MYO3B: variants seen among roughly 807,000 people sequenced by gnomAD.
MYO3B encodes myosin-IIIb.
In MYO3B, 156 loss-of-function variants were observed where a neutral mutation model predicts 174.6. The ratio of observed to expected loss-of-function variants is 0.89; its 90% CI spans 0.78 to 1.02. The LOEUF (loss-of-function observed/expected upper bound fraction) is 1.02. Ranked by LOEUF, MYO3B falls within the 50% of genes least tolerant of loss-of-function variation. MYO3B has a pLI of 0.00. For missense variants in MYO3B, 1,632 were observed against 1,639.4 expected (o/e 1.00, Z 0.08); for synonymous variants, 563 against 569.1 (o/e 0.99, Z 0.15).
At chr2:170,511,345 C>T (rs1175675603) in intron 28 of MYO3B, among the ~76,000 whole-genome samples, 5 of 151,774 alleles carry the variant, frequency 3.3e-5, no homozygotes, top group Non-Finnish European at 5.9e-5. Context: ...GGATTACAGG[C>T]GTGAGCCACC....
chr2:170,460,150 C>T (rs1252717659), intron 23 of MYO3B, among the ~76,000 whole-genome samples: 1 of 152,068 alleles, frequency 6.6e-6, no homozygotes, highest in African/African-American at 2.4e-5. Flanking sequence ...CGAGAGTAAG[C>T]GAGGGCTGCT....
chr2:170,532,816 C>CA (rs35190722), intron 30 of MYO3B, among the ~76,000 whole-genome samples: 39,156 of 84,972 alleles, frequency 0.46, 7,579 homozygotes, highest in African/African-American at 0.51. Flanking sequence ...AACTCTGTCT[C>CA]AAAAAAAAAA....
At chr2:170,384,516 A>G (rs13012969) in intron 12 of MYO3B, among the ~76,000 whole-genome samples, 121,896 of 152,090 alleles carry the variant, frequency 0.8, 51,031 homozygotes, top group East Asian at 0.94. Context: ...TAAGATCTGG[A>G]AAAGTCCCAG....
chr2:170,340,921 T>C (rs544080851), intron 8 of MYO3B: 1 of 152,308 alleles, frequency 6.6e-6, no homozygotes, highest in East Asian at 1.9e-4. Flanking sequence ...TCTAGCATAC[T>C]GGTGTGTCTA....
intron 7 of MYO3B, among the ~76,000 whole-genome samples, chr2:170,293,526 G>C (rs916958230): frequency 2.6e-5 from 4 of 152,082 alleles, no homozygotes; most frequent in Admixed American, 2.0e-4. Flanking sequence ...TTATGGAATT[G>C]CTTTCTCAAC....
At chr2:170,233,682 A>G (rs2093037095) in intron 6 of MYO3B, among the ~76,000 whole-genome samples, 1 of 152,260 alleles carries the variant, frequency 6.6e-6, no homozygotes, top group South Asian at 2.1e-4. Context: ...ATGTGGATAT[A>G]TAGAAAATGT....
chr2:170,452,850 A>G (rs1163307708), intron 23 of MYO3B, among the ~76,000 whole-genome samples: 6 of 152,224 alleles, frequency 3.9e-5, no homozygotes, highest in African/African-American at 1.4e-4. Flanking sequence ...AAAGTTACAC[A>G]AATAACAAAC....
intron 32 of MYO3B, among the ~76,000 whole-genome samples, chr2:170,596,301 C>A (rs1364126562): frequency 6.6e-6 from 1 of 152,180 alleles, no homozygotes; most frequent in African/African-American, 2.4e-5. Context: ...GCACCCCTAC[C>A]TGAACTCCCC....
At chr2:170,329,555 A>ATTTTT (rs752223902) in intron 7 of MYO3B, among the ~76,000 whole-genome samples, 7 of 114,568 alleles carry the variant, frequency 6.1e-5, no homozygotes, top group African/African-American at 2.3e-4. Context: ...TGATTTTTGT[A>ATTTTT]TTTTTTTTTT....
intron 28 of MYO3B, among the ~76,000 whole-genome samples, chr2:170,502,984 G>A (rs1575084301): frequency 6.6e-6 from 1 of 152,254 alleles, no homozygotes; most frequent in East Asian, 1.9e-4. Context: ...GGAATTCTAA[G>A]CTCTACAACT....
chr2:170,550,236 G>T (rs1038327004), intron 32 of MYO3B, among the ~76,000 whole-genome samples: 1 of 152,152 alleles, frequency 6.6e-6, no homozygotes, highest in Non-Finnish European at 1.5e-5. Flanking sequence ...ACTTTTCTCA[G>T]TAAAATGACA....
chr2:170,237,658 A>C (rs1041720363), intron 7 of MYO3B, among the ~76,000 whole-genome samples: 75 of 152,110 alleles, frequency 4.9e-4, no homozygotes, highest in Non-Finnish European at 2.4e-4. Flanking sequence ...CATCTCTTCC[A>C]TCTTGGGAGA....
At chr2:170,196,444 AG>A (rs755778373) in intron 1 of MYO3B, among the ~76,000 whole-genome samples, 39 of 152,150 alleles carry the variant, frequency 2.6e-4, no homozygotes, top group Non-Finnish European at 4.7e-4. Context: ...TGAGCCCAGG[AG>A]GTTGAGGCTA....
chr2:170,649,135 AAT>A (rs1698703276), intron 32 of MYO3B, among the ~76,000 whole-genome samples: 1 of 75,898 alleles, frequency 1.3e-5, no homozygotes, highest in African/African-American at 6.0e-5. Flanking sequence ...TATATAAAAT[AAT>A]ATATAATATA....
At chr2:170,313,738 C>T (rs957418493) in intron 7 of MYO3B, among the ~76,000 whole-genome samples, 2 of 152,158 alleles carry the variant, frequency 1.3e-5, no homozygotes, top group African/African-American at 4.8e-5. Context: ...CTCTTGGCCA[C>T]CCTCTCATCC....
At chr2:170,571,221 G>A (rs933693938) in intron 32 of MYO3B, among the ~76,000 whole-genome samples, 1 of 152,188 alleles carries the variant, frequency 6.6e-6, no homozygotes, top group Non-Finnish European at 1.5e-5. Context: ...CCATGCCACA[G>A]AAATAGAAAT....
intron 9 of MYO3B, among the ~76,000 whole-genome samples, chr2:170,371,204 C>CA (rs1247358042): frequency 9.1e-6 from 1 of 110,310 alleles, no homozygotes; most frequent in Non-Finnish European, 1.7e-5. Flanking sequence ...GGCGACAGAG[C>CA]AAGACAGTGT....
chr2:170,475,005 G>T (rs1307817570), intron 25 of MYO3B, among the ~76,000 whole-genome samples: 1 of 152,060 alleles, frequency 6.6e-6, no homozygotes, highest in African/African-American at 2.4e-5. Flanking sequence ...TGGTCATCTT[G>T]TTTTGTTTAA....
At chr2:170,530,103 T>C (rs529090519) in intron 30 of MYO3B, among the ~76,000 whole-genome samples, 19 of 152,342 alleles carry the variant, frequency 1.2e-4, no homozygotes, top group African/African-American at 4.1e-4. Context: ...CATCTCCGTG[T>C]GCATCTTAGT....
Sources: allele counts gnomAD v4.1 joint callset (sites outside exome capture counted in the v4.1 genomes callset), GRCh38; gene constraint gnomAD v4.1.1; transcripts MANE v1.5; gene names NCBI Gene and HGNC (gene_info 2026-07-23, HGNC 2026-07-21).